Variants in PTPA observed in about 807,000 individuals in gnomAD.
The protein encoded by PTPA is protein phosphatase 2 phosphatase activator, also known as serine/threonine-protein phosphatase 2A activator.
In PTPA, 13 loss-of-function variants were observed where a neutral mutation model predicts 43.6. The observed-to-expected ratio is 0.30, with a 90% CI of 0.19 to 0.47. The LOEUF (loss-of-function observed/expected upper bound fraction) is 0.47, where lower values mean the gene tolerates loss of function less well. PTPA is among the 20% of genes least tolerant of loss of function. The pLI is 0.99. For missense variants in PTPA, 329 were observed against 411.9 expected (o/e 0.80, Z 1.74); for synonymous variants, 172 against 158.2 (o/e 1.09, Z -0.66).
Position 129,114,595 on chromosome 9 carries a change from A to G in PTPA, c.31+2964A>G, listed in dbSNP as rs538551152. Among the ~76,000 whole-genome samples, 23 of 152,328 alleles carry G rather than the reference A, an allele frequency of 1.5e-4. 1 individual carries two copies. The South Asian group carries it at 4.8e-3, about 32-fold the overall frequency. On this transcript the variant is annotated intron_variant, in intron 1 of 9. Coordinates refer to ENST00000393370, the MANE Select transcript of PTPA (RefSeq NM_178000.3). ...ATGCTGATTGCCCTTATCTTTTTCAAAGTTTCAAAGTTGTACAGGTTGAAC... is the reference window on the plus strand; with the variant it reads ...ATGCTGATTGCCCTTATCTTTTTCAGAGTTTCAAAGTTGTACAGGTTGAAC...
intron 9 of PTPA, chr9:129,143,166 G>T: frequency 1.6e-6 from 1 of 615,396 alleles, no homozygotes; most frequent in South Asian, 1.9e-5. Flanking sequence ...CTGCCCTCTT[G>T]GCACTGTTCT....
chr9:129,137,933 G>GATC (rs1850489675), intron 8 of PTPA: 3 of 519,856 alleles, frequency 5.8e-6, no homozygotes, highest in Non-Finnish European at 1.1e-5. Flanking sequence ...GTCTTGAGAT[G>GATC]AGGGTCTAAG....
intron 4 of PTPA, among the ~76,000 whole-genome samples, chr9:129,129,800 G>A (rs558584083): frequency 7.6e-4 from 116 of 152,224 alleles, no homozygotes; most frequent in African/African-American, 2.6e-3. Context: ...AGCTGGGCAC[G>A]GTGGCTCATA....
intron 7 of PTPA, among the ~76,000 whole-genome samples, chr9:129,136,978 T>G (rs375998984): frequency 8.5e-5 from 13 of 152,292 alleles, no homozygotes; most frequent in African/African-American, 3.1e-4. Flanking sequence ...CATCCACTGT[T>G]ATTATCGAGC....
At chr9:129,116,060 G>T (rs773263226) in intron 1 of PTPA, among the ~76,000 whole-genome samples, 4 of 150,942 alleles carry the variant, frequency 2.7e-5, no homozygotes, top group Non-Finnish European at 2.9e-5. Flanking sequence ...TCGCTCTGTC[G>T]CCTGGTCTGG....
intron 9 of PTPA, chr9:129,143,697 G>T: frequency 4.5e-6 from 2 of 442,030 alleles, no homozygotes; most frequent in South Asian, 5.6e-5. Flanking sequence ...CTCACATCCT[G>T]TGTTTAGGTT....
chr9:129,113,556 G>A (rs1848682356), intron 1 of PTPA, among the ~76,000 whole-genome samples: 1 of 151,462 alleles, frequency 6.6e-6, no homozygotes, highest in South Asian at 2.1e-4. Context: ...ATCACTTGAG[G>A]TCAGGAGTTC....
intron 3 of PTPA, among the ~76,000 whole-genome samples, chr9:129,128,414 T>C (rs1310606636): frequency 1.3e-5 from 2 of 151,930 alleles, no homozygotes; most frequent in Non-Finnish European, 2.9e-5. Flanking sequence ...TGTGCGCCTT[T>C]AGTCCCAGCT....
chr9:129,132,915 G>A (rs1850078446), intron 5 of PTPA, among the ~76,000 whole-genome samples: 1 of 152,178 alleles, frequency 6.6e-6, no homozygotes, highest in Non-Finnish European at 1.5e-5. Flanking sequence ...GATTACAGGT[G>A]CAAGCCACCA....
chr9:129,115,977 C>G (rs1277659261), intron 1 of PTPA, among the ~76,000 whole-genome samples: 1 of 152,148 alleles, frequency 6.6e-6, no homozygotes, highest in East Asian at 1.9e-4. Context: ...TCTTCTGCCT[C>G]AGCTTCGCGA....
intron 5 of PTPA, among the ~76,000 whole-genome samples, chr9:129,132,444 C>T (rs1432780034): frequency 2.6e-5 from 4 of 152,158 alleles, no homozygotes; most frequent in Non-Finnish European, 4.4e-5. Flanking sequence ...ATCCTCTCAC[C>T]TCTGCATCTC....
intron 4 of PTPA, among the ~76,000 whole-genome samples, chr9:129,131,082 C>T (rs980125327): frequency 8.3e-6 from 1 of 120,398 alleles, no homozygotes; most frequent in Admixed American, 8.6e-5. Context: ...TGCATTTCCA[C>T]CTTTTGGCTA....
At chr9:129,138,006 A>T in intron 8 of PTPA, 1 of 359,726 alleles carries the variant, frequency 2.8e-6, no homozygotes, top group Non-Finnish European at 5.4e-6. Context: ...GGGCGGGCGG[A>T]GGTTTGTGGG....
At chr9:129,129,415 A>G (rs558550350) in intron 4 of PTPA, among the ~76,000 whole-genome samples, 40 of 152,156 alleles carry the variant, frequency 2.6e-4, no homozygotes, top group African/African-American at 8.7e-4. Context: ...AAATTAGTCC[A>G]TCAATATCAT....
rs1001700126 is a variant in PTPA at position 129,147,009 on chromosome 9, G to A, written c.895-378G>A. 4.6e-5 allele frequency among the ~76,000 whole-genome samples: 7 copies of A among 152,330 alleles called. No individual in the cohort carries two copies. In the East Asian group the frequency reaches 1.2e-3, roughly 25 times the overall value. ...CCCGGCCTCAGCCTCTTAGGCTTAC[G>A]TTCAAATGTCCCCACGTCTCTTCTC... On this transcript the variant is annotated intron_variant, in intron 9 of 9. Transcript: ENST00000393370.
rs1849098009 is a variant in PTPA at position 129,119,330 on chromosome 9, GAGA to G, written c.32-1181_32-1179del. 2.2e-4 allele frequency among the ~76,000 whole-genome samples: 7 copies of G among 31,290 alleles called. No individual in the cohort carries two copies. The South Asian group carries it at 0.014, about 60-fold the overall frequency. 20.5% of individuals were successfully genotyped at this position (31,290 alleles called of 152,430 possible). ...TTAATTTGCCAACCTTATCCAGAAA[GAGA>G]AATCACATATAATTTACGTGTCCGT... On this transcript the variant is annotated intron_variant, in intron 1 of 9. Coordinates refer to ENST00000393370, the MANE Select transcript of PTPA (RefSeq NM_178000.3).
chr9:129,111,460 T>G lies in PTPA; in HGVS notation c.-141T>G. 8.0e-7 allele frequency: 1 copy of G among 1,254,460 alleles called. No individual in the cohort carries two copies. The allele number at this position is 1,254,460 out of a possible 1,614,324, so 77.7% of individuals were successfully genotyped here. On this transcript the variant is annotated 5_prime_UTR_variant, in exon 1 of 10. Transcript: ENST00000393370. ...CGCTGTGGTGACTTTAACTCTCGGT[T>G]TTCGGTTATAGCCGGCCGGCGCTCA...
intron 1 of PTPA, among the ~76,000 whole-genome samples, chr9:129,113,404 G>C (rs1248092107): frequency 6.6e-6 from 1 of 151,526 alleles, no homozygotes. Flanking sequence ...TTTTAAGAAA[G>C]TTTACAAATT....
chr9:129,138,014 G>C (rs1007065087), intron 8 of PTPA: 2 of 376,346 alleles, frequency 5.3e-6, no homozygotes, highest in Admixed American at 3.8e-5. Context: ...GGAGGTTTGT[G>C]GGGGAGGGTC....
Sources: allele counts gnomAD v4.1 joint callset (sites outside exome capture counted in the v4.1 genomes callset), GRCh38; gene constraint gnomAD v4.1.1; transcripts MANE v1.5; gene names NCBI Gene and HGNC (gene_info 2026-07-23, HGNC 2026-07-21).